CORO2B: variants seen among roughly 807,000 people sequenced by gnomAD.
CORO2B encodes the protein coronin-2B.
CORO2B carries 26 observed loss-of-function variants against 58.8 expected under a neutral mutation model. The observed-to-expected ratio is 0.44, with a 90% CI of 0.32 to 0.61. The LOEUF (loss-of-function observed/expected upper bound fraction) is 0.61. Among genes scored for constraint, CORO2B ranks in the 20% least tolerant of loss-of-function variants. The pLI is 0.04. For missense variants in CORO2B, 460 were observed against 645.1 expected (o/e 0.71, Z 3.11); for synonymous variants, 242 against 253.8 (o/e 0.95, Z 0.44).
At chr15:68,657,233 C>T (rs1901836516) in intron 2 of CORO2B, among the ~76,000 whole-genome samples, 1 of 152,078 alleles carries the variant, frequency 6.6e-6, no homozygotes, top group Non-Finnish European at 1.5e-5. Flanking sequence ...TTTTGAAACA[C>T]AGGCCAGGTA....
chr15:68,632,178 C>T, intron 1 of CORO2B: 2 of 985,550 alleles, frequency 2.0e-6, no homozygotes, highest in Non-Finnish European at 2.4e-6. Flanking sequence ...ACCCGTGGCC[C>T]CCATGTGGCA....
the CORO2B span, among the ~76,000 whole-genome samples, chr15:68,554,229 G>A: frequency 6.6e-6 from 1 of 152,078 alleles, no homozygotes; most frequent in Non-Finnish European, 1.5e-5. Flanking sequence ...GGGGAGGTGA[G>A]CAGCTGAAAT....
chr15:68,530,864 T>G, the CORO2B span, among the ~76,000 whole-genome samples: 1 of 152,244 alleles, frequency 6.6e-6, no homozygotes, highest in African/African-American at 2.4e-5. Flanking sequence ...TTGAGGTGGA[T>G]TTCTTATAGA....
chr15:68,646,335 T>G (rs1901428847), intron 2 of CORO2B, among the ~76,000 whole-genome samples: 2 of 152,104 alleles, frequency 1.3e-5, no homozygotes, highest in Admixed American at 1.3e-4. Context: ...AGTTCCCCCT[T>G]CCCAGCCTGA....
At chr15:68,591,841 T>C (rs970263193) in intron 1 of CORO2B, among the ~76,000 whole-genome samples, 2 of 152,090 alleles carry the variant, frequency 1.3e-5, no homozygotes, top group African/African-American at 4.8e-5. Flanking sequence ...GAAGTTTCCT[T>C]CTAGGAAAAC....
intron 1 of CORO2B, among the ~76,000 whole-genome samples, chr15:68,640,183 G>A (rs1164299848): frequency 5.9e-5 from 9 of 152,160 alleles, no homozygotes; most frequent in Non-Finnish European, 1.3e-4. Flanking sequence ...TGCCTGGCCT[G>A]GCCTTCCAGC....
At chr15:68,580,727 T>C (rs1223086060) in intron 1 of CORO2B, among the ~76,000 whole-genome samples, 1 of 151,984 alleles carries the variant, frequency 6.6e-6, no homozygotes, top group Non-Finnish European at 1.5e-5. Flanking sequence ...ATGTCAAAGA[T>C]GCAAGCAGGC....
intron 1 of CORO2B, among the ~76,000 whole-genome samples, chr15:68,594,012 G>A (rs1049866804): frequency 3.3e-5 from 5 of 152,188 alleles, no homozygotes; most frequent in African/African-American, 1.2e-4. Context: ...GTGGTTGGGT[G>A]GCACAGGAAA....
intron 11 of CORO2B, among the ~76,000 whole-genome samples, chr15:68,723,600 C>T (rs1012817376): frequency 1.3e-5 from 2 of 151,760 alleles, no homozygotes; most frequent in African/African-American, 4.8e-5. Flanking sequence ...ATTACAGGCA[C>T]CTGCCACCAC....
chr15:68,543,646 T>A, the CORO2B span, among the ~76,000 whole-genome samples: 1 of 152,148 alleles, frequency 6.6e-6, no homozygotes, highest in East Asian at 1.9e-4. Context: ...CCCTCCTGCT[T>A]GCCTCCAAAG....
intron 1 of CORO2B, among the ~76,000 whole-genome samples, chr15:68,636,959 A>C (rs1001923086): frequency 6.6e-6 from 1 of 152,204 alleles, no homozygotes; most frequent in African/African-American, 2.4e-5. Context: ...ACTGAGGAGG[A>C]GTTTTCAATT....
chr15:68,519,617 C>G, the CORO2B span, among the ~76,000 whole-genome samples: 13 of 152,148 alleles, frequency 8.5e-5, no homozygotes, highest in Non-Finnish European at 1.6e-4. Flanking sequence ...CAACAACCAA[C>G]TTTTGATTTT....
intron 1 of CORO2B, among the ~76,000 whole-genome samples, chr15:68,586,110 G>T (rs758947530): frequency 6.6e-6 from 1 of 152,126 alleles, no homozygotes; most frequent in Non-Finnish European, 1.5e-5. Flanking sequence ...GTATTCTTGG[G>T]CAAGTTGCCT....
At chr15:68,573,869 G>A in the CORO2B span, among the ~76,000 whole-genome samples, 1 of 152,216 alleles carries the variant, frequency 6.6e-6, no homozygotes, top group South Asian at 2.1e-4. Context: ...AAGCAGCACA[G>A]AGGCTGTGCA....
chr15:68,570,475 G>C, the CORO2B span, among the ~76,000 whole-genome samples: 1 of 152,206 alleles, frequency 6.6e-6, no homozygotes, highest in Non-Finnish European at 1.5e-5. Flanking sequence ...GACATCGAAG[G>C]AAACTTCCGG....
At chr15:68,696,738 CA>C (rs1442022806) in intron 3 of CORO2B, among the ~76,000 whole-genome samples, 1 of 152,112 alleles carries the variant, frequency 6.6e-6, no homozygotes, top group Non-Finnish European at 1.5e-5. Flanking sequence ...ATCAGTACAC[CA>C]GCTTGGAAGA....
rs115086957 is a variant in CORO2B, at chr15:68,670,206, G to T, written c.216+24846G>T. ...TTGTTTTGTTTTGAGACAGGATCTG[G>T]CTTTGTTGCCCAGGCTGGAGTGCAG... On this transcript the variant is annotated intron_variant, in intron 2 of 11. Transcript: ENST00000261861. Among the ~76,000 whole-genome samples, 1,315 of 152,228 alleles carry T rather than the reference G, an allele frequency of 8.6e-3. 18 individuals carry two copies. Among genetic ancestry groups the T allele is most frequent in the African/African-American group, 0.03 (1,262 of 41,534 alleles).
chr15:68,715,355 G>C (rs766901386), intron 8 of CORO2B, 44 bp downstream of exon 8: 2 of 1,413,244 alleles, frequency 1.4e-6, no homozygotes, highest in African/African-American at 2.8e-5. Flanking sequence ...CTCATGGCAC[G>C]GGAGGACATC....
the CORO2B span, among the ~76,000 whole-genome samples, chr15:68,530,713 C>A: frequency 1.3e-5 from 2 of 152,064 alleles, no homozygotes; most frequent in Admixed American, 6.5e-5. Context: ...TTAAATATTT[C>A]TCTTATGTCT....
Sources: gnomAD v4.1 joint callset for allele counts (sites outside exome capture counted in the v4.1 genomes callset) on GRCh38, gnomAD v4.1.1 for gene constraint, MANE v1.5 for transcripts, NCBI Gene and HGNC (gene_info 2026-07-23, HGNC 2026-07-21) for gene names.